The following STS variants were observed in gnomAD, a reference collection of about 807,000 sequenced individuals.
STS encodes the protein steroid sulfatase, also known as steryl-sulfatase.
STS carries 7 observed loss-of-function variants against 26.8 expected under a neutral mutation model. The observed-to-expected ratio is 0.26, with a 90% CI of 0.15 to 0.49. STS has a LOEUF of 0.49. Among genes scored for constraint, STS ranks in the 20% least tolerant of loss-of-function variants. The probability of loss-of-function intolerance (pLI) is 0.98; values close to 1 mark genes in which losing one functional copy is unlikely to be tolerated. For missense variants in STS, 434 were observed against 465.6 expected (o/e 0.93, Z 0.63); for synonymous variants, 199 against 189.4 (o/e 1.05, Z -0.42).
intron 8 of STS, among the ~76,000 whole-genome samples, chrX:7,309,721 A>C (rs2147144750): frequency 8.9e-6 from 1 of 111,778 alleles, no homozygotes; most frequent in South Asian, 3.7e-4. Context: ...GTCTACATTT[A>C]AAAAACAATT....
intron 6 of STS, among the ~76,000 whole-genome samples, chrX:7,265,749 A>G (rs185226007): frequency 9.8e-5 from 11 of 112,320 alleles, no homozygotes; most frequent in African/African-American, 2.9e-4. Flanking sequence ...TACATTCACA[A>G]ACAGCTTCTT....
intron 10 of STS, among the ~76,000 whole-genome samples, chrX:7,341,370 C>A (rs926912614): frequency 9.0e-6 from 1 of 111,444 alleles, no homozygotes; most frequent in East Asian, 2.8e-4. Flanking sequence ...TTGGCATCAT[C>A]AGGTCTCATA....
chrX:7,225,289 A>G (rs190122534), intron 2 of STS, among the ~76,000 whole-genome samples: 2 of 111,931 alleles, frequency 1.8e-5, no homozygotes, highest in Non-Finnish European at 3.8e-5. Flanking sequence ...GGAGGTCCCC[A>G]GGTTCAGCGA....
chrX:7,214,992 G>A (rs756393898), intron 2 of STS, among the ~76,000 whole-genome samples: 49 of 66,922 alleles, frequency 7.3e-4, no homozygotes, highest in South Asian at 6.7e-3. Context: ...ATATATATAC[G>A]TATATATACA....
intron 7 of STS, among the ~76,000 whole-genome samples, chrX:7,279,795 G>T (rs746280388): frequency 9.1e-6 from 1 of 110,436 alleles, no homozygotes; most frequent in Admixed American, 9.7e-5. Context: ...AGGCTTCTTC[G>T]GTTTAGCATG....
intron 10 of STS, among the ~76,000 whole-genome samples, chrX:7,337,365 C>G (rs1404526437): frequency 8.9e-6 from 1 of 111,985 alleles, no homozygotes; most frequent in East Asian, 2.8e-4. Context: ...GCTAGCTGTA[C>G]AATGTGCTGG....
At chrX:7,290,792 A>G (rs1925377890) in intron 7 of STS, among the ~76,000 whole-genome samples, 1 of 112,047 alleles carries the variant, frequency 8.9e-6, no homozygotes, top group Non-Finnish European at 1.9e-5. Context: ...CTTTCTCTGT[A>G]AAATGAGATC....
chrX:7,199,429 A>G (rs1934029219), intron 2 of STS, among the ~76,000 whole-genome samples: 1 of 112,218 alleles, frequency 8.9e-6, no homozygotes, highest in African/African-American at 3.2e-5. Context: ...TCTGAATGTT[A>G]TAGCATAGTA....
intron 8 of STS, among the ~76,000 whole-genome samples, chrX:7,324,791 G>C (rs1045949522): frequency 1.8e-5 from 2 of 111,580 alleles, no homozygotes; most frequent in Admixed American, 9.5e-5. Flanking sequence ...TAGTCGAGGG[G>C]CTTAGAATTT....
intron 8 of STS, among the ~76,000 whole-genome samples, chrX:7,309,180 G>C (rs1193945345): frequency 9.0e-6 from 1 of 111,223 alleles, no homozygotes; most frequent in Non-Finnish European, 1.9e-5. Flanking sequence ...AGAAAATGTG[G>C]TATATATACA....
At chrX:7,282,609 A>G (rs1046616675) in intron 7 of STS, among the ~76,000 whole-genome samples, 58 of 112,476 alleles carry the variant, frequency 5.2e-4, no homozygotes, top group African/African-American at 1.7e-3. Flanking sequence ...TGCAGATGCA[A>G]ATCTCCCCCA....
intron 2 of STS, among the ~76,000 whole-genome samples, chrX:7,233,229 G>T (rs1922160391): frequency 9.2e-6 from 1 of 108,867 alleles, no homozygotes; most frequent in Admixed American, 9.9e-5. Context: ...AAGCAGCTGG[G>T]ATTATAGGCA....
chrX:7,247,195 CAAACAAA>C (rs1480760788), intron 2 of STS, among the ~76,000 whole-genome samples: 1 of 111,961 alleles, frequency 8.9e-6, no homozygotes, highest in African/African-American at 3.2e-5. Context: ...TAAAATAAAA[CAAACAAA>C]AAACTCTTTT....
chrX:7,175,244 G>A (rs1400089269), intron 1 of STS, among the ~76,000 whole-genome samples: 1 of 108,126 alleles, frequency 9.2e-6, no homozygotes, highest in African/African-American at 3.4e-5. Context: ...CCAGCACTTT[G>A]GGAGACTAAG....
intron 2 of STS, among the ~76,000 whole-genome samples, chrX:7,204,136 C>T (rs1031568956): frequency 9.0e-6 from 1 of 111,376 alleles, no homozygotes; most frequent in African/African-American, 3.3e-5. Context: ...ATGTTTGGTT[C>T]TGCCTTTTAC....
At position 7,354,470 on chromosome X, in the gene STS, G is replaced by A. The variant is rs1254875903; in HGVS notation, c.*4209G>A. On this transcript the variant is annotated 3_prime_UTR_variant, in exon 11 of 11. Transcript: ENST00000674429. ...ATTCATGACAACATGAAACCTATTG[G>A]GACAGCATGACTGTGCAGGGTCTTT... 1 of 111,425 alleles carries A rather than the reference G, an allele frequency of 9.0e-6. No individual in the cohort carries two copies. Among genetic ancestry groups the A allele is most frequent in the African/African-American group, 3.3e-5 (1 of 30,677 alleles). 9.2% of individuals were successfully genotyped at this position (111,425 alleles called of 1,213,427 possible). A position where few individuals can be genotyped will look rare whatever the true frequency, so the allele number is the denominator to read the frequency against.
At chrX:7,248,758 G>A (rs1339996668) in intron 2 of STS, among the ~76,000 whole-genome samples, 3 of 110,591 alleles carry the variant, frequency 2.7e-5, no homozygotes, top group South Asian at 3.8e-4. Flanking sequence ...TTTTTAAGTG[G>A]CATTAAGTAT....
At chrX:7,180,276 G>A (rs1293782852) in intron 1 of STS, among the ~76,000 whole-genome samples, 5 of 111,694 alleles carry the variant, frequency 4.5e-5, no homozygotes, top group African/African-American at 9.8e-5. Context: ...CCATCGGGGG[G>A]TGATGGGAGA....
At position 7,339,583 on chromosome X, in the gene STS, G is replaced by A. The variant is rs369668998; in HGVS notation, c.1363+5476G>A. Among the ~76,000 whole-genome samples the A allele has an allele frequency of 1.3e-4, 15 of 112,424 alleles. No individual in the cohort carries two copies. In the South Asian group the frequency reaches 5.5e-3, roughly 41 times the overall value. The stretch of plus-strand genomic sequence containing the variant: ...AGTACAAGGTACAACATTTGTACTT[G>A]TAATTGTAGCAACACAGGATGATGG... On this transcript the variant is annotated intron_variant, in intron 10 of 10. Transcript: ENST00000674429.
Sources: allele counts gnomAD v4.1 joint callset (sites outside exome capture counted in the v4.1 genomes callset), GRCh38; gene constraint gnomAD v4.1.1; transcripts MANE v1.5; gene names NCBI Gene and HGNC (gene_info 2026-07-23, HGNC 2026-07-21).